ATP10D: variants seen among roughly 807,000 people sequenced by gnomAD.
ATP10D encodes phospholipid-transporting ATPase VD.
ATP10D carries 89 observed loss-of-function variants against 144.8 expected under a neutral mutation model. The ratio of observed to expected loss-of-function variants is 0.61; its 90% CI spans 0.52 to 0.73. The LOEUF is 0.73. Among genes scored for constraint, ATP10D ranks in the 30% least tolerant of loss-of-function variants. The probability of loss-of-function intolerance (pLI) is 0.00; values close to 1 mark genes in which losing one functional copy is unlikely to be tolerated. For missense variants in ATP10D, 1,603 were observed against 1,714.8 expected (o/e 0.93, Z 1.15); for synonymous variants, 571 against 615.1 (o/e 0.93, Z 1.06).
At chr4:47,532,005 A>G (rs1220829938) in intron 5 of ATP10D, among the ~76,000 whole-genome samples, 3 of 152,188 alleles carry the variant, frequency 2.0e-5, no homozygotes, top group Admixed American at 2.0e-4. Flanking sequence ...GTATGAGAAC[A>G]CTGTTGCCAC....
rs769904609 is a variant in ATP10D at position 47,535,912 on chromosome 4, C to G, written c.894C>G (p.Thr298=). The G allele has an allele frequency of 3.0e-5, 48 of 1,611,534 alleles. No individual in the cohort carries two copies. The highest frequency in any genetic ancestry group is 4.0e-5 in the Non-Finnish European group (47 of 1,178,878). Reference sequence around the variant, plus strand: ...GCACATCCTTCATAGGCCATGAAACCAAAGCAATGCTGAACAACAGTGGGC... The same window carrying G: ...GCACATCCTTCATAGGCCATGAAACGAAAGCAATGCTGAACAACAGTGGGC... ...VGIVVYAGHE[T]KAMLNNSGPR... is the part of the protein sequence containing the mutation. The change falls in exon 7 of 23, where the codon ACC becomes ACG. Residue 298 remains threonine (T), a synonymous_variant. Transcript: ENST00000273859.
At chr4:47,506,987 G>A (rs1312362935) in intron 1 of ATP10D, among the ~76,000 whole-genome samples, 1 of 152,162 alleles carries the variant, frequency 6.6e-6, no homozygotes, top group Admixed American at 6.5e-5. Flanking sequence ...GTTGAGAAGA[G>A]AATATTGCTA....
At chr4:47,505,708 C>T (rs957193981) in intron 1 of ATP10D, among the ~76,000 whole-genome samples, 6 of 151,748 alleles carry the variant, frequency 4.0e-5, no homozygotes, top group African/African-American at 1.5e-4. Context: ...CCCACCACTA[C>T]ACTCCAGCAT....
At chr4:47,547,117 C>G (rs1718485291) in intron 10 of ATP10D, 2 of 479,104 alleles carry the variant, frequency 4.2e-6, no homozygotes, top group Admixed American at 6.8e-5. Flanking sequence ...ATATTTCTGG[C>G]CAGGGCTGAT....
chr4:47,580,163 T>C (rs558115307), intron 19 of ATP10D, among the ~76,000 whole-genome samples: 9 of 152,364 alleles, frequency 5.9e-5, no homozygotes, highest in South Asian at 2.1e-4. Flanking sequence ...TTAAAATTTA[T>C]CCTGTAATAA....
intron 1 of ATP10D, among the ~76,000 whole-genome samples, chr4:47,488,265 ATATAT>A (rs992430914): frequency 3.9e-5 from 6 of 152,036 alleles, no homozygotes; most frequent in Admixed American, 6.5e-5. Flanking sequence ...GTGAAATTTA[ATATAT>A]TATCTTATGT....
intron 1 of ATP10D, among the ~76,000 whole-genome samples, chr4:47,496,932 C>T (rs1427701715): frequency 6.6e-6 from 1 of 151,660 alleles, no homozygotes; most frequent in African/African-American, 2.4e-5. Flanking sequence ...ACCTCTGCCT[C>T]CTGGGTTCGA....
At chr4:47,539,863 G>A (rs1029182270) in intron 9 of ATP10D, among the ~76,000 whole-genome samples, 2 of 152,092 alleles carry the variant, frequency 1.3e-5, no homozygotes, top group African/African-American at 4.8e-5. Flanking sequence ...CTCCACTCTA[G>A]TCACTGAACA....
chr4:47,582,644 A>C (rs1221057228), intron 21 of ATP10D, among the ~76,000 whole-genome samples: 3 of 152,126 alleles, frequency 2.0e-5, no homozygotes, highest in Non-Finnish European at 4.4e-5. Flanking sequence ...TGATTACCAC[A>C]TCAGGATCTT....
chr4:47,550,201 C>G (rs925934206), intron 10 of ATP10D, among the ~76,000 whole-genome samples: 1 of 152,118 alleles, frequency 6.6e-6, no homozygotes, highest in Non-Finnish European at 1.5e-5. Flanking sequence ...TCTTTGTCCA[C>G]TACTAAACCG....
intron 10 of ATP10D, among the ~76,000 whole-genome samples, chr4:47,549,908 G>A (rs936243578): frequency 6.6e-6 from 1 of 151,864 alleles, no homozygotes; most frequent in Non-Finnish European, 1.5e-5. Context: ...GGAGAACATG[G>A]TGTGCAGGAG....
chr4:47,494,807 C>T (rs1279073942), intron 1 of ATP10D, among the ~76,000 whole-genome samples: 2 of 152,104 alleles, frequency 1.3e-5, no homozygotes, highest in East Asian at 1.9e-4. Flanking sequence ...ATCAAAAACT[C>T]TATATGCCCT....
chr4:47,501,422 ATTTAAC>A (rs1408312609), intron 1 of ATP10D, among the ~76,000 whole-genome samples: 1 of 152,228 alleles, frequency 6.6e-6, no homozygotes, highest in East Asian at 1.9e-4. Flanking sequence ...ATTTAAATTT[ATTTAAC>A]TTTATTTTTT....
rs550873784 is a variant in ATP10D, at chr4:47,576,032, C to T, written c.3367-741C>T. Reference sequence around the variant, plus strand: ...CTGCAAGCTCCGCCTCCCGGGTTCACGCCATTCTCCTGCCTCAGCCTCCCA... The same window carrying T: ...CTGCAAGCTCCGCCTCCCGGGTTCATGCCATTCTCCTGCCTCAGCCTCCCA... On this transcript the variant is annotated intron_variant, in intron 18 of 22. Transcript: ENST00000273859. Among the ~76,000 whole-genome samples the T allele has an allele frequency of 5.0e-4, 75 of 148,774 alleles. 1 individual carries two copies. Among genetic ancestry groups the T allele is most frequent in the Admixed American group, 4.2e-3 (62 of 14,892 alleles).
chr4:47,550,938 T>C (rs376203861), intron 10 of ATP10D, among the ~76,000 whole-genome samples: 16 of 152,316 alleles, frequency 1.1e-4, no homozygotes, highest in African/African-American at 3.4e-4. Flanking sequence ...CAAGATTTAA[T>C]AGAGTGAAAT....
rs377407484 is a variant in ATP10D at position 47,557,763 on chromosome 4, C to T, written c.1924C>T (p.Leu642Phe). 29 of 1,614,100 alleles carry T rather than the reference C, an allele frequency of 1.8e-5. No individual in the cohort carries two copies. The highest frequency in any genetic ancestry group is 2.5e-5 in the Non-Finnish European group (29 of 1,180,036). ...TGTCCGAAGATCAAGTTCTCCATCG[C>T]TTAACAGTGGGAAAGAGCCATCTTC... is the stretch of plus-strand genomic sequence containing the variant. Reference protein sequence around the residue: ...WSVRRSSSPSLNSGKEPSSGV... With the variant: ...WSVRRSSSPSFNSGKEPSSGV... Residue 642 changes from leucine to phenylalanine, a missense_variant, in exon 12 of 23, where the codon CTT becomes TTT. Transcript: ENST00000273859.
At chr4:47,498,044 A>T (rs1278522708) in intron 1 of ATP10D, among the ~76,000 whole-genome samples, 4 of 152,234 alleles carry the variant, frequency 2.6e-5, no homozygotes, top group Non-Finnish European at 5.9e-5. Context: ...TCTTACGTAC[A>T]TTCCCATTAA....
chr4:47,541,319 TATC>T (rs1245880341), intron 9 of ATP10D, among the ~76,000 whole-genome samples: 1 of 152,212 alleles, frequency 6.6e-6, no homozygotes, highest in Admixed American at 6.5e-5. Flanking sequence ...AAACATAAAT[TATC>T]ATGTTCATTG....
intron 1 of ATP10D, among the ~76,000 whole-genome samples, chr4:47,502,630 G>A (rs957726079): frequency 2.0e-5 from 3 of 147,170 alleles, no homozygotes; most frequent in Admixed American, 6.8e-5. Context: ...ATACATATAC[G>A]TATGTATATA....
Sources: allele counts gnomAD v4.1 joint callset (sites outside exome capture counted in the v4.1 genomes callset), GRCh38; gene constraint gnomAD v4.1.1; transcripts MANE v1.5; gene names NCBI Gene and HGNC (gene_info 2026-07-23, HGNC 2026-07-21).